Variants in EFTUD2 observed in about 807,000 individuals in gnomAD.
EFTUD2 encodes elongation factor Tu GTP binding domain containing 2.
Under a neutral mutation model 114.3 loss-of-function variants are expected in EFTUD2, and 9 were observed. The observed-to-expected ratio is 0.08, with a 90% confidence interval of 0.05 to 0.14. The LOEUF is 0.14. EFTUD2 is among the 10% of genes least tolerant of loss of function. The pLI is 1.00. For missense variants in EFTUD2, 765 were observed against 1,241.2 expected (o/e 0.62, Z 5.76); for synonymous variants, 449 against 462.3 (o/e 0.97, Z 0.37).
intron 16 of EFTUD2, 51 bp from the exon 17 acceptor site, chr17:44,860,594 A>ATTT: frequency 9.9e-7 from 1 of 1,007,008 alleles, no homozygotes; most frequent in Non-Finnish European, 1.5e-6. Context: ...AGCATTCCCT[A>ATTT]ATTTTTTTTT....
chr17:44,870,901 C>T (rs34902223), intron 11 of EFTUD2, among the ~76,000 whole-genome samples: 17,358 of 151,888 alleles, frequency 0.11, 1,085 homozygotes, highest in East Asian at 0.24. Flanking sequence ...ACCTGTAATC[C>T]CAGCTACTCA....
intron 9 of EFTUD2, 175 bp downstream of exon 9, chr17:44,879,381 C>T (rs1329356979): frequency 1.3e-5 from 8 of 622,464 alleles, no homozygotes; most frequent in African/African-American, 3.7e-5. Context: ...CAACCACACC[C>T]GGTAAGAATT....
chr17:44,884,832 A>G (rs553768126), intron 4 of EFTUD2, among the ~76,000 whole-genome samples: 2 of 152,294 alleles, frequency 1.3e-5, no homozygotes, highest in South Asian at 4.1e-4. Flanking sequence ...GGCTGCAATG[A>G]GCCATGATTG....
Position 44,854,168 on chromosome 17 carries a change from G to T in EFTUD2, c.2347+101C>A. Reference sequence around the variant, plus strand: ...GGGATGGTCCTGTGTACCCCAAGCTGCTTCTCCTGCCGAATCCTAAAGATG... The same window carrying T: ...GGGATGGTCCTGTGTACCCCAAGCTTCTTCTCCTGCCGAATCCTAAAGATG... On this transcript the variant is annotated intron_variant, in intron 23 of 27. Coordinates refer to ENST00000426333, the MANE Select transcript of EFTUD2 (RefSeq NM_004247.4). The surrounding 1 kb of genome is among the most constrained non-coding windows in gnomAD (Gnocchi z 4.3). The T allele has an allele frequency of 7.0e-7, 1 of 1,435,578 alleles. No homozygotes were observed. Among genetic ancestry groups the T allele is most frequent in the Non-Finnish European group, 9.4e-7 (1 of 1,061,376 alleles). 88.9% of individuals were successfully genotyped at this position (1,435,578 alleles called of 1,614,324 possible). A position where few individuals can be genotyped will look rare whatever the true frequency, so the allele number is the denominator to read the frequency against.
intron 25 of EFTUD2, among the ~76,000 whole-genome samples, 175 bp from the exon 26 acceptor site, chr17:44,852,737 C>T (rs2050477309): frequency 6.6e-6 from 1 of 152,104 alleles, no homozygotes; most frequent in Non-Finnish European, 1.5e-5. Context: ...AGTATAATTC[C>T]CTGTGGAAGT....
intron 2 of EFTUD2, 123 bp downstream of exon 2, chr17:44,894,294 C>T (rs2051336896): frequency 1.3e-6 from 1 of 760,984 alleles, no homozygotes; most frequent in African/African-American, 1.7e-5. Flanking sequence ...CACTTAAGCC[C>T]AGGAGGTGGA....
chr17:44,859,654 C>T (rs1024985931), intron 18 of EFTUD2: 2 of 595,480 alleles, frequency 3.4e-6, no homozygotes, highest in East Asian at 5.6e-5. Context: ...CACACACACA[C>T]ACACACAACC....
chr17:44,855,592 C>T (rs922159701), intron 20 of EFTUD2, among the ~76,000 whole-genome samples: 1 of 150,154 alleles, frequency 6.7e-6, no homozygotes, highest in Non-Finnish European at 1.5e-5. Context: ...CAAAAAAAAA[C>T]CCCAGACAAA....
Position 44,850,551 on chromosome 17 carries a change from T to C in EFTUD2, c.*723A>G, listed in dbSNP as rs1003255421. On this transcript the variant is annotated 3_prime_UTR_variant, in exon 28 of 28. Transcript: ENST00000426333. The stretch of plus-strand genomic sequence containing the variant: ...AGCTGGGGAGAGGACTTGGAGTAAA[T>C]GGCTGGAAATCAAAGTGCTCTGGCC... 2 of 575,568 alleles carry C rather than the reference T, an allele frequency of 3.5e-6. No individual in the cohort carries two copies. The highest frequency in any genetic ancestry group is 1.9e-5 in the African/African-American group (1 of 53,560). The allele number at this position is 575,568 out of a possible 1,614,324, so 35.7% of individuals were successfully genotyped here.
chr17:44,850,261 G>T lies in EFTUD2; in HGVS notation c.*1013C>A. ...GGGAGCAGCTAGAGGTGAACCCCTAGGACGCCTGAGAGCCAGAGGACGGGT... is the reference window on the plus strand; with the variant it reads ...GGGAGCAGCTAGAGGTGAACCCCTATGACGCCTGAGAGCCAGAGGACGGGT... On this transcript the variant is annotated 3_prime_UTR_variant, in exon 28 of 28. Transcript: ENST00000426333. The T allele has an allele frequency of 3.9e-6, 5 of 1,279,484 alleles. No individual in the cohort carries two copies. The highest frequency in any genetic ancestry group is 4.4e-6 in the Non-Finnish European group (4 of 899,100). The allele number at this position is 1,279,484 out of a possible 1,614,324, so 79.3% of individuals were successfully genotyped here. A position where few individuals can be genotyped will look rare whatever the true frequency, so the allele number is the denominator to read the frequency against.
chr17:44,858,635 G>A (rs9900293), intron 19 of EFTUD2, among the ~76,000 whole-genome samples: 4 of 151,878 alleles, frequency 2.6e-5, no homozygotes, highest in Admixed American at 6.6e-5. Flanking sequence ...TTGTAGAGAC[G>A]AGGTTTCACT....
chr17:44,884,581 T>C (rs983641540), intron 4 of EFTUD2, among the ~76,000 whole-genome samples: 1 of 151,608 alleles, frequency 6.6e-6, no homozygotes, highest in Non-Finnish European at 1.5e-5. Flanking sequence ...CTACCTCCTT[T>C]TGCTCTCCTT....
intron 19 of EFTUD2, among the ~76,000 whole-genome samples, chr17:44,858,132 G>A (rs1201101549): frequency 6.6e-6 from 1 of 152,132 alleles, no homozygotes; most frequent in African/African-American, 2.4e-5. Context: ...ATGTTGGTCA[G>A]GCTGGTCTTG....
At chr17:44,874,497 T>C (rs774053153) in intron 10 of EFTUD2, among the ~76,000 whole-genome samples, 4 of 152,210 alleles carry the variant, frequency 2.6e-5, no homozygotes, top group Non-Finnish European at 4.4e-5. Flanking sequence ...TATCTGTCTC[T>C]AGCCACACAG....
intron 2 of EFTUD2, among the ~76,000 whole-genome samples, chr17:44,893,146 G>A (rs939088908): frequency 5.4e-5 from 8 of 148,080 alleles, no homozygotes; most frequent in African/African-American, 1.0e-4. Flanking sequence ...GTTTGAGACC[G>A]AGTCTCACTC....
At chr17:44,894,142 A>G (rs2051333708) in intron 2 of EFTUD2, 1 of 328,188 alleles carries the variant, frequency 3.0e-6, no homozygotes, top group South Asian at 4.1e-5. Context: ...TTGGGAGGCC[A>G]AGGCAGGTGG....
At chr17:44,865,195 C>G in intron 13 of EFTUD2, 130 bp from the exon 14 acceptor site, 1 of 1,345,190 alleles carries the variant, frequency 7.4e-7, no homozygotes, top group South Asian at 1.5e-5. Flanking sequence ...AGACAAAGCT[C>G]TTGGCAAGGA....
At chr17:44,857,736 A>T (rs1403250683) in intron 19 of EFTUD2, 2 of 155,536 alleles carry the variant, frequency 1.3e-5, no homozygotes, top group East Asian at 3.8e-4. Flanking sequence ...CAAGCAACAC[A>T]TGGTTTGAGG....
intron 2 of EFTUD2, among the ~76,000 whole-genome samples, chr17:44,887,066 C>G (rs921497524): frequency 6.6e-6 from 1 of 152,172 alleles, no homozygotes; most frequent in African/African-American, 2.4e-5. Context: ...TCTCCAAAGG[C>G]AGAAACCAAA....
Sources: allele counts gnomAD v4.1 joint callset (sites outside exome capture counted in the v4.1 genomes callset), GRCh38; gene constraint gnomAD v4.1.1; non-coding constraint Gnocchi (gnomAD v3.1); transcripts MANE v1.5; gene names NCBI Gene and HGNC (gene_info 2026-07-23, HGNC 2026-07-21).